Variants in LCP2 observed in about 807,000 individuals in gnomAD.
LCP2 encodes 76 kDa tyrosine phosphoprotein.
LCP2 carries 29 observed loss-of-function variants against 74.5 expected under a neutral mutation model. The ratio of observed to expected loss-of-function variants is 0.39; its 90% CI spans 0.29 to 0.53. The LOEUF (loss-of-function observed/expected upper bound fraction) is 0.53. Ranked by LOEUF, LCP2 falls within the 20% of genes least tolerant of loss-of-function variation. The probability of loss-of-function intolerance (pLI) is 0.72; values close to 1 mark genes in which losing one functional copy is unlikely to be tolerated. For synonymous variants in LCP2, 228 were observed against 229.5 expected, an observed-to-expected ratio of 0.99 and a Z score of 0.06; for missense variants, 604 against 634.6, an observed-to-expected ratio of 0.95 and a Z score of 0.52.
rs184932229 is a variant in LCP2 at position 170,279,967 on chromosome 5, A to G, written c.189-4107T>C. ...GCCAGGCAGGTGGAAAAGGAGGGAG[A>G]GAGAGAGGGGGGAAGGGAAGGGAAG... On this transcript the variant is annotated intron_variant, in intron 3 of 20. Transcript: ENST00000046794. Among the ~76,000 whole-genome samples, 56 of 151,788 alleles carry G rather than the reference A, an allele frequency of 3.7e-4. No homozygotes were observed. The East Asian group carries it at 8.5e-3, about 23-fold the overall frequency.
intron 3 of LCP2, among the ~76,000 whole-genome samples, chr5:170,281,788 A>C (rs1762109980): frequency 6.6e-6 from 1 of 152,224 alleles, no homozygotes; most frequent in South Asian, 2.1e-4. Flanking sequence ...TAATTGCACC[A>C]TTGGTAATGG....
intron 15 of LCP2, chr5:170,258,626 G>A (rs544016776): frequency 2.3e-6 from 1 of 432,654 alleles, no homozygotes; most frequent in African/African-American, 2.0e-5. Flanking sequence ...TTTACATTTT[G>A]TGATACAATT....
intron 5 of LCP2, among the ~76,000 whole-genome samples, chr5:170,274,778 C>T (rs540787719): frequency 6.6e-6 from 1 of 152,056 alleles, no homozygotes; most frequent in South Asian, 2.1e-4. Flanking sequence ...AGATCGAGAC[C>T]ATCCTGGCTG....
chr5:170,270,089 G>C (rs1761869065), intron 7 of LCP2, among the ~76,000 whole-genome samples: 2 of 152,170 alleles, frequency 1.3e-5, no homozygotes, highest in Non-Finnish European at 2.9e-5. Flanking sequence ...ACCACTACTA[G>C]AATGTAAGCC....
intron 3 of LCP2, among the ~76,000 whole-genome samples, chr5:170,277,743 C>CAAAAAAA (rs371915364): frequency 4.2e-5 from 5 of 117,680 alleles, no homozygotes; most frequent in Non-Finnish European, 8.9e-5. Flanking sequence ...AACTTCGTCT[C>CAAAAAAA]AAAAAAAAAA....
At chr5:170,261,168 T>C (rs750254565) in intron 13 of LCP2, 31 bp from the exon 14 acceptor site, 1 of 1,561,378 alleles carries the variant, frequency 6.4e-7, no homozygotes, top group Non-Finnish European at 8.8e-7. Flanking sequence ...TAAAAAGAAC[T>C]GAGCATGAAG....
At chr5:170,275,643 CCT>C in intron 4 of LCP2, 150 bp downstream of exon 4, 1 of 716,476 alleles carries the variant, frequency 1.4e-6, no homozygotes, top group Non-Finnish European at 2.4e-6. Flanking sequence ...GGAGGGAACC[CCT>C]TCCCCTCGTT....
Position 170,274,258 on chromosome 5 carries a change from G to A in LCP2, c.324+43C>T, listed in dbSNP as rs370776036. 4.4e-5 allele frequency: 71 copies of A among 1,603,854 alleles called. No homozygotes were observed. In the South Asian group the frequency reaches 6.8e-4, roughly 15 times the overall value. On this transcript the variant is annotated intron_variant, in intron 6 of 20. Coordinates refer to ENST00000046794, the MANE Select transcript of LCP2 (RefSeq NM_005565.5). Reference sequence around the variant, plus strand: ...GGCTCCTTATCACAAAGCTGCCCTGGACACTGCTGTAAAGGTGCAAGAACA... The same window carrying A: ...GGCTCCTTATCACAAAGCTGCCCTGAACACTGCTGTAAAGGTGCAAGAACA...
chr5:170,290,658 C>T (rs190762840), intron 2 of LCP2, among the ~76,000 whole-genome samples: 4 of 152,286 alleles, frequency 2.6e-5, no homozygotes, highest in Admixed American at 6.5e-5. Context: ...CTTTTTCCAT[C>T]GGTTAGATGA....
At chr5:170,251,199 A>C (rs374992541) in intron 19 of LCP2, 1 of 244,776 alleles carries the variant, frequency 4.1e-6, no homozygotes, top group East Asian at 1.0e-4. Context: ...GGTTGAGTGG[A>C]TAAAAGGCCA....
intron 3 of LCP2, among the ~76,000 whole-genome samples, chr5:170,280,282 C>T (rs1019738797): frequency 2.0e-5 from 3 of 152,034 alleles, no homozygotes; most frequent in Non-Finnish European, 2.9e-5. Flanking sequence ...GATGCCTCTC[C>T]CCCTGTGCTG....
At chr5:170,288,706 G>T (rs1279313521) in intron 2 of LCP2, among the ~76,000 whole-genome samples, 2 of 152,202 alleles carry the variant, frequency 1.3e-5, no homozygotes, top group Non-Finnish European at 2.9e-5. Flanking sequence ...GAGGCTCAGG[G>T]ATATCAAGGG....
At chr5:170,258,810 G>A in intron 15 of LCP2, 56 bp downstream of exon 15, 2 of 1,339,066 alleles carry the variant, frequency 1.5e-6, no homozygotes, top group Non-Finnish European at 1.1e-6. Context: ...TTGAATGCCT[G>A]AGCAGGAAAA....
rs375984316 is a variant in LCP2 at position 170,248,661 on chromosome 5, G to A, written c.*36C>T. ...TGATTGATCTCGTGTTGGCAACAGA[G>A]GCAGGAGGACGGTTCATTTGCTCGG... is the stretch of plus-strand genomic sequence containing the variant. On this transcript the variant is annotated 3_prime_UTR_variant, in exon 21 of 21. Coordinates refer to ENST00000046794, the MANE Select transcript of LCP2 (RefSeq NM_005565.5). The A allele has an allele frequency of 1.6e-5, 25 of 1,606,070 alleles. No individual in the cohort carries two copies. In the African/African-American group the frequency reaches 3.3e-4, roughly 21 times the overall value.
chr5:170,248,882 A>C, intron 20 of LCP2, 63 bp from the exon 21 acceptor site: 1 of 1,554,558 alleles, frequency 6.4e-7, no homozygotes, highest in Non-Finnish European at 8.8e-7. Flanking sequence ...CTTCACTTTC[A>C]GTTTTTTTAT....
chr5:170,255,409 G>T (rs1033820817), intron 17 of LCP2, among the ~76,000 whole-genome samples: 5 of 152,162 alleles, frequency 3.3e-5, no homozygotes, highest in South Asian at 2.1e-4. Context: ...ACTGGCCCGT[G>T]CACACACTGC....
intron 2 of LCP2, among the ~76,000 whole-genome samples, chr5:170,288,310 G>A (rs112716138): frequency 2.6e-5 from 4 of 152,234 alleles, no homozygotes; most frequent in African/African-American, 9.6e-5. Context: ...CTTAAACACT[G>A]TGAGAGCTAA....
In LCP2 at chr5:170,273,581, C is replaced by T. The variant is rs113280288; in HGVS notation, c.324+720G>A. On this transcript the variant is annotated intron_variant, in intron 6 of 20. Transcript: ENST00000046794. Reference sequence around the variant, plus strand: ...TGCCTCTAACTAACTTTGTGTTCTACGCACGTCACGTTCTGCTCTCCTGTG... The same window carrying T: ...TGCCTCTAACTAACTTTGTGTTCTATGCACGTCACGTTCTGCTCTCCTGTG... Among the ~76,000 whole-genome samples the T allele has an allele frequency of 6.6e-4, 100 of 152,238 alleles. 1 individual carries two copies. The highest frequency in any genetic ancestry group is 2.3e-3 in the African/African-American group (96 of 41,542).
chr5:170,296,889 G>C (rs940851284), intron 1 of LCP2, among the ~76,000 whole-genome samples: 2 of 152,148 alleles, frequency 1.3e-5, no homozygotes, highest in African/African-American at 4.8e-5. Flanking sequence ...CTCTCATAAG[G>C]CTCCAAGGAG....
Sources: allele counts gnomAD v4.1 joint callset (sites outside exome capture counted in the v4.1 genomes callset), GRCh38; gene constraint gnomAD v4.1.1; transcripts MANE v1.5; gene names NCBI Gene and HGNC (gene_info 2026-07-23, HGNC 2026-07-21).